Variants in GRIA2 observed in about 807,000 individuals in gnomAD.
The protein encoded by GRIA2 is glutamate ionotropic receptor AMPA type subunit 2.
Under a neutral mutation model 97.3 loss-of-function variants are expected in GRIA2, and 14 were observed. The ratio of observed to expected loss-of-function variants is 0.14; its 90% CI spans 0.10 to 0.23. GRIA2 has a LOEUF of 0.23. Among genes scored for constraint, GRIA2 ranks in the 10% least tolerant of loss-of-function variants. GRIA2 has a pLI of 1.00. For synonymous variants in GRIA2, 412 were observed against 387.8 expected (o/e 1.06, Z -0.73); for missense variants, 558 against 1,069.8 (o/e 0.52, Z 6.67).
At chr4:157,229,328 T>C (rs1729897270) in intron 2 of GRIA2, among the ~76,000 whole-genome samples, 1 of 152,236 alleles carries the variant, frequency 6.6e-6, no homozygotes, top group Non-Finnish European at 1.5e-5. Flanking sequence ...TGTTATTATA[T>C]GTTTAATTTT....
intron 6 of GRIA2, among the ~76,000 whole-genome samples, chr4:157,329,036 C>A (rs980110763): frequency 6.6e-6 from 1 of 151,958 alleles, no homozygotes; most frequent in African/African-American, 2.4e-5. Flanking sequence ...AAATTAAAGA[C>A]GACCTTATCA....
At chr4:157,358,746 G>T (rs970011134) in intron 12 of GRIA2, among the ~76,000 whole-genome samples, 2 of 152,010 alleles carry the variant, frequency 1.3e-5, no homozygotes, top group African/African-American at 4.8e-5. Flanking sequence ...TACTCTATTT[G>T]CACTTGACCC....
intron 2 of GRIA2, among the ~76,000 whole-genome samples, chr4:157,258,418 T>C (rs1483302996): frequency 1.3e-5 from 2 of 152,048 alleles, no homozygotes; most frequent in African/African-American, 4.8e-5. Context: ...CAGTCTCCTG[T>C]AGCGCTCCCA....
At position 157,293,871 on chromosome 4, in the gene GRIA2, G is replaced by C. The variant is rs149267337; in HGVS notation, c.230-9681G>C. Among the ~76,000 whole-genome samples, 639 of 152,188 alleles carry C rather than the reference G, an allele frequency of 4.2e-3. 2 individuals carry two copies. Among genetic ancestry groups the C allele is most frequent in the South Asian group, 0.018 (85 of 4,822 alleles). On this transcript the variant is annotated intron_variant, in intron 2 of 15. Transcript: ENST00000264426. ...TTTACCAGGACTCAATGCATCAAGG[G>C]TGTGTGAGTCCATTATGCTAAAGAT...
chr4:157,350,999 G>A (rs183419383), intron 12 of GRIA2, among the ~76,000 whole-genome samples: 37 of 146,392 alleles, frequency 2.5e-4, no homozygotes, highest in Admixed American at 2.4e-3. Flanking sequence ...ATCATATACA[G>A]TAGTAATATC....
intron 4 of GRIA2, among the ~76,000 whole-genome samples, chr4:157,313,811 C>G (rs997915741): frequency 2.0e-5 from 3 of 151,900 alleles, no homozygotes; most frequent in African/African-American, 4.8e-5. Flanking sequence ...ATACAGTTGA[C>G]CCTACCAATA....
chr4:157,325,326 T>C (rs1449822595), intron 6 of GRIA2, among the ~76,000 whole-genome samples: 1 of 152,162 alleles, frequency 6.6e-6, no homozygotes, highest in African/African-American at 2.4e-5. Context: ...ATACAAAAAA[T>C]AACTAAAGTC....
In GRIA2 at chr4:157,286,583, G is replaced by A. The variant is rs556114171; in HGVS notation, c.230-16969G>A. On this transcript the variant is annotated intron_variant, in intron 2 of 15. Coordinates refer to ENST00000264426, the MANE Select transcript of GRIA2 (RefSeq NM_001083619.3). ...TTCTATCCATGAAAATAGTAAATCTGTTTATTTATTTGTCTTTCATAATAT... is the reference window on the plus strand; with the variant it reads ...TTCTATCCATGAAAATAGTAAATCTATTTATTTATTTGTCTTTCATAATAT... Among the ~76,000 whole-genome samples, 4 of 151,422 alleles carry A rather than the reference G, an allele frequency of 2.6e-5. No homozygotes were observed. In the South Asian group the frequency reaches 8.3e-4, roughly 31 times the overall value.
chr4:157,352,877 A>G (rs1736075325), intron 12 of GRIA2, among the ~76,000 whole-genome samples: 1 of 151,962 alleles, frequency 6.6e-6, no homozygotes. Context: ...TGACCAGCAT[A>G]GTGAAACCCT....
Position 157,321,562 on chromosome 4 carries a change from A to G in GRIA2, c.845A>G (p.Glu282Gly). Residue 282 changes from glutamate to glycine, a missense_variant, in exon 6 of 16, where the codon GAA becomes GGA. Glu to Gly is a moderately conservative substitution (Grantham distance 98). This residue lies in a region of GRIA2 where 173 missense variants were observed against 209.1 expected (regional missense o/e 0.83). Coordinates refer to ENST00000264426, the MANE Select transcript of GRIA2 (RefSeq NM_001083619.3). ...ATAGAAAGATGGTCAACACTGGAAG[A>G]AAAAGAATACCCTGGAGCTCACACA... ...KFIERWSTLE[E>G]KEYPGAHTTT... is the part of the protein sequence containing the mutation. The G allele has an allele frequency of 6.2e-7, 1 of 1,611,282 alleles. No individual in the cohort carries two copies. Among genetic ancestry groups the G allele is most frequent in the Non-Finnish European group, 8.5e-7 (1 of 1,177,656 alleles).
intron 2 of GRIA2, among the ~76,000 whole-genome samples, chr4:157,286,403 C>A (rs558808215): frequency 6.6e-6 from 1 of 151,454 alleles, no homozygotes; most frequent in South Asian, 2.1e-4. Flanking sequence ...TCCATTAGTT[C>A]CCAAACTAGT....
At chr4:157,253,464 C>G (rs1731104634) in intron 2 of GRIA2, among the ~76,000 whole-genome samples, 1 of 152,016 alleles carries the variant, frequency 6.6e-6, no homozygotes, top group African/African-American at 2.4e-5. Context: ...AAGTGTAACT[C>G]ATGTATACAA....
At chr4:157,319,225 C>G (rs1457192032) in intron 5 of GRIA2, among the ~76,000 whole-genome samples, 1 of 152,098 alleles carries the variant, frequency 6.6e-6, no homozygotes, top group African/African-American at 2.4e-5. Context: ...ACAGTCAGTC[C>G]CCTGTGTGAA....
intron 2 of GRIA2, among the ~76,000 whole-genome samples, chr4:157,242,147 A>G (rs1342589859): frequency 1.3e-5 from 2 of 152,030 alleles, no homozygotes; most frequent in Non-Finnish European, 2.9e-5. Flanking sequence ...TCTTCAGCAT[A>G]TGGTTTTGAA....
chr4:157,328,024 T>A (rs955140772), intron 6 of GRIA2, among the ~76,000 whole-genome samples: 1 of 152,078 alleles, frequency 6.6e-6, no homozygotes, highest in East Asian at 1.9e-4. Context: ...AAGTTTGAAA[T>A]TTGACATATT....
intron 2 of GRIA2, among the ~76,000 whole-genome samples, chr4:157,298,489 T>C (rs1187260808): frequency 2.0e-5 from 3 of 152,012 alleles, no homozygotes; most frequent in Non-Finnish European, 4.4e-5. Flanking sequence ...ATAGATATGG[T>C]TCATCAGAAT....
At chr4:157,344,704 T>C (rs1735698100) in intron 12 of GRIA2, among the ~76,000 whole-genome samples, 1 of 152,136 alleles carries the variant, frequency 6.6e-6, no homozygotes, top group Admixed American at 6.6e-5. Context: ...TTATTAGTTA[T>C]ATTATTGTTA....
Position 157,361,503 on chromosome 4 carries a change from T to G in GRIA2, c.2406+379T>G. 2 of 1,352,170 alleles carry G rather than the reference T, an allele frequency of 1.5e-6. No homozygotes were observed. Among genetic ancestry groups the G allele is most frequent in the Non-Finnish European group, 2.1e-6 (2 of 942,688 alleles). The allele number at this position is 1,352,170 out of a possible 1,614,324, so 83.8% of individuals were successfully genotyped here. A position where few individuals can be genotyped will look rare whatever the true frequency, so the allele number is the denominator to read the frequency against. ...ATGTAATGAATAACATAAAATAACA[T>G]TGATAATGTTATTTATGTTATTTTC... On this transcript the variant is annotated intron_variant, in intron 14 of 15. Coordinates refer to ENST00000264426, the MANE Select transcript of GRIA2 (RefSeq NM_001083619.3). The surrounding 1 kb of genome is among the most constrained non-coding windows in gnomAD (Gnocchi z 5.2).
intron 2 of GRIA2, among the ~76,000 whole-genome samples, chr4:157,299,533 C>G (rs180894812): frequency 6.6e-6 from 1 of 152,024 alleles, no homozygotes; most frequent in South Asian, 2.1e-4. Context: ...AATAACTATG[C>G]GAGGCTATTT....
Sources: gnomAD v4.1 joint callset for allele counts (sites outside exome capture counted in the v4.1 genomes callset) on GRCh38, gnomAD v4.1.1 for gene constraint, gnomAD v4.1.1 regional missense constraint, Gnocchi (gnomAD v3.1) non-coding constraint, MANE v1.5 for transcripts, NCBI Gene and HGNC (gene_info 2026-07-23, HGNC 2026-07-21) for gene names.